The following ZNF45 variants were observed in gnomAD, a reference collection of about 807,000 sequenced individuals.
The protein encoded by ZNF45 is zinc finger protein 45.
ZNF45 carries 4 observed loss-of-function variants against 12.0 expected under a neutral mutation model. The observed-to-expected ratio is 0.33, with a 90% CI of 0.16 to 0.76. The LOEUF is 0.76. Ranked by LOEUF, ZNF45 falls within the 30% of genes least tolerant of loss-of-function variation. The probability of loss-of-function intolerance (pLI) is 0.60; values close to 1 mark genes in which losing one functional copy is unlikely to be tolerated. For synonymous variants in ZNF45, 272 were observed against 279.6 expected (o/e 0.97, Z 0.27); for missense variants, 700 against 813.0 (o/e 0.86, Z 1.69).
At chr19:43,929,752 T>C (rs419990) in intron 3 of ZNF45, among the ~76,000 whole-genome samples, 75,221 of 152,008 alleles carry the variant, frequency 0.49, 20,194 homozygotes, top group East Asian at 0.78. Flanking sequence ...TGCCAGCCTG[T>C]AGAATTATCC....
chr19:43,914,250 C>T lies in ZNF45; in HGVS notation c.1186G>A (p.Gly396Ser), dbSNP rs1972451053. 6.2e-7 allele frequency: 1 copy of T among 1,613,440 alleles called. No individual in the cohort carries two copies. Among genetic ancestry groups the T allele is most frequent in the Admixed American group, 1.7e-5 (1 of 59,958 alleles). Residue 396 changes from glycine to serine, a missense_variant, in exon 10 of 10, where the codon GGC (glycine) becomes AGC (serine). Physicochemically the swap from Gly to Ser is moderately conservative, Grantham distance 56 (BLOSUM62 0). Coordinates refer to ENST00000269973, the MANE Select transcript of ZNF45 (RefSeq NM_003425.4). ...KPYKCEECGK[G>S]FCRASNLLDH... ...AGCAGATTTGAGGCCCGGCAGAAGC[C>T]TTTCCCACACTCCTCACATTTGTAT...
At chr19:43,930,189 G>A (rs1974008569) in intron 3 of ZNF45, among the ~76,000 whole-genome samples, 1 of 152,164 alleles carries the variant, frequency 6.6e-6, no homozygotes, top group South Asian at 2.1e-4. Context: ...TCATATGGCA[G>A]AAGAACAAGG....
intron 3 of ZNF45, 51 bp downstream of exon 3, chr19:43,932,553 T>C (rs189498581): frequency 6.6e-6 from 1 of 152,344 alleles, no homozygotes; most frequent in African/African-American, 2.4e-5. Flanking sequence ...AATTGCAAGC[T>C]GTAGCACCCA....
At chr19:43,925,522 T>C (rs939574129) in intron 3 of ZNF45, 64 bp from the exon 4 acceptor site, 1 of 152,236 alleles carries the variant, frequency 6.6e-6, no homozygotes, top group Non-Finnish European at 1.5e-5. Flanking sequence ...AATTACTGCT[T>C]GATTTATTAG....
chr19:43,933,486 G>T (rs762638471), intron 2 of ZNF45, among the ~76,000 whole-genome samples: 23 of 151,988 alleles, frequency 1.5e-4, no homozygotes, highest in Non-Finnish European at 3.1e-4. Flanking sequence ...CACAATTAAT[G>T]ATAATTATTA....
intron 3 of ZNF45, among the ~76,000 whole-genome samples, chr19:43,929,335 A>G (rs569162476): frequency 1.3e-5 from 2 of 152,360 alleles, no homozygotes; most frequent in African/African-American, 2.4e-5. Flanking sequence ...CTGCCCGCCT[A>G]GTTCCTCGTG....
At chr19:43,916,225 C>T (rs1212022861) in intron 9 of ZNF45, among the ~76,000 whole-genome samples, 1 of 152,108 alleles carries the variant, frequency 6.6e-6, no homozygotes, top group Non-Finnish European at 1.5e-5. Context: ...AGTGATTCTC[C>T]TGCCTTATCC....
At chr19:43,917,507 T>C (rs2146820651) in intron 9 of ZNF45, among the ~76,000 whole-genome samples, 1 of 152,232 alleles carries the variant, frequency 6.6e-6, no homozygotes, top group South Asian at 2.1e-4. Context: ...TTTTTTGAGA[T>C]GGAGTTTCAC....
rs1202511230 is a variant in ZNF45 at position 43,925,353 on chromosome 19, A to G, written c.-294T>C. 6.6e-6 allele frequency: 1 copy of G among 152,240 alleles called. No individual in the cohort carries two copies. Among genetic ancestry groups the G allele is most frequent in the African/African-American group, 2.4e-5 (1 of 41,448 alleles). The allele number at this position is 152,240 out of a possible 1,614,324, so 9.4% of individuals were successfully genotyped here. A position where few individuals can be genotyped will look rare whatever the true frequency, so the allele number is the denominator to read the frequency against. The stretch of plus-strand genomic sequence containing the variant: ...GTCTGCAGCTTCACATGGCTTGATG[A>G]TGGGGAAACATGGGCTGGATTCCAG... On this transcript the variant is annotated 5_prime_UTR_variant, in exon 4 of 10. Transcript: ENST00000269973.
intron 3 of ZNF45, among the ~76,000 whole-genome samples, chr19:43,930,348 A>T (rs1001128923): frequency 3.3e-5 from 5 of 152,228 alleles, no homozygotes; most frequent in African/African-American, 1.2e-4. Flanking sequence ...AGACAGCAGC[A>T]GGTGGGGGAA....
At chr19:43,917,326 T>C (rs1972766707) in intron 9 of ZNF45, among the ~76,000 whole-genome samples, 1 of 152,232 alleles carries the variant, frequency 6.6e-6, no homozygotes, top group Admixed American at 6.5e-5. Flanking sequence ...CCAGTCTAAA[T>C]GATTAAGAAA....
At chr19:43,920,273 G>A (rs189590042) in intron 7 of ZNF45, among the ~76,000 whole-genome samples, 7 of 152,052 alleles carry the variant, frequency 4.6e-5, no homozygotes, top group Admixed American at 3.3e-4. Context: ...TTATAACTCT[G>A]TAAAATTTCT....
chr19:43,933,488 T>G (rs1381486129), intron 2 of ZNF45, among the ~76,000 whole-genome samples: 1 of 152,084 alleles, frequency 6.6e-6, no homozygotes, highest in Non-Finnish European at 1.5e-5. Flanking sequence ...CAATTAATGA[T>G]AATTATTAGT....
chr19:43,934,094 T>G (rs1308887355), intron 2 of ZNF45, among the ~76,000 whole-genome samples: 31 of 152,222 alleles, frequency 2.0e-4, no homozygotes, highest in Admixed American at 2.0e-3. Context: ...GGTATTCAGA[T>G]GTAAGGAACC....
rs1340917281 is a variant in ZNF45 at position 43,914,647 on chromosome 19, A to C, written c.789T>G (p.Cys263Trp). ...CGRNVGKSSH[C>W]QAPLIVHTGE... ...CCGTATGAACTATCAGAGGAGCTTG[A>C]CAATGTGAGCTTTTCCCAACATTCC... Residue 263 changes from cysteine to tryptophan, a missense_variant, in exon 10 of 10, where the codon TGT becomes TGG. Coordinates refer to ENST00000269973, the MANE Select transcript of ZNF45 (RefSeq NM_003425.4). 6.2e-7 allele frequency: 1 copy of C among 1,613,692 alleles called. No homozygotes were observed. The highest frequency in any genetic ancestry group is 8.5e-7 in the Non-Finnish European group (1 of 1,179,742).
chr19:43,927,038 T>C (rs1443776420), intron 3 of ZNF45, among the ~76,000 whole-genome samples: 2 of 152,144 alleles, frequency 1.3e-5, no homozygotes, highest in Non-Finnish European at 2.9e-5. Context: ...AGAGAGACTA[T>C]TAGGAGAGCC....
Position 43,914,340 on chromosome 19 carries a change from C to T in ZNF45, c.1096G>A (p.Gly366Arg). Reference protein sequence around the residue: ...GEKPYKCEECGKGFSVGSHLQ... With the variant: ...GEKPYKCEECRKGFSVGSHLQ... ...TGTGAACCCACACTGAAACCTTTCC[C>T]ACACTCCTCACACTTATAGGGTTTC... The change falls in exon 10 of 10, where the codon GGG (glycine) becomes AGG (arginine). Residue 366 changes from glycine to arginine, a missense_variant. Gly to Arg is a moderately radical substitution (Grantham distance 125, BLOSUM62 -2). Transcript: ENST00000269973. 1 of 1,613,164 alleles carries T rather than the reference C, an allele frequency of 6.2e-7. No individual in the cohort carries two copies. Among genetic ancestry groups the T allele is most frequent in the Non-Finnish European group, 8.5e-7 (1 of 1,179,414 alleles).
At chr19:43,931,696 T>C (rs1314400641) in intron 3 of ZNF45, among the ~76,000 whole-genome samples, 1 of 152,172 alleles carries the variant, frequency 6.6e-6, no homozygotes, top group East Asian at 1.9e-4. Context: ...CTATCTCTTT[T>C]AGTCTTCACA....
intron 9 of ZNF45, among the ~76,000 whole-genome samples, chr19:43,915,646 T>G (rs1599763606): frequency 6.6e-6 from 1 of 152,226 alleles, no homozygotes; most frequent in Admixed American, 6.5e-5. Context: ...ATGGTGACAT[T>G]AGATTCTTAT....
Sources: gnomAD v4.1 joint callset for allele counts (sites outside exome capture counted in the v4.1 genomes callset) on GRCh38, gnomAD v4.1.1 for gene constraint, MANE v1.5 for transcripts, NCBI Gene and HGNC (gene_info 2026-07-23, HGNC 2026-07-21) for gene names.